CSMD3: variants seen among roughly 807,000 people sequenced by gnomAD.
CSMD3 encodes CUB and sushi domain-containing protein 3.
CSMD3 carries 177 observed loss-of-function variants against 435.2 expected under a neutral mutation model. That is an observed-to-expected ratio of 0.41 (90% CI 0.36 to 0.46). The LOEUF (loss-of-function observed/expected upper bound fraction) is 0.46, where lower values mean the gene tolerates loss of function less well. CSMD3 is among the 20% of genes least tolerant of loss of function. CSMD3 has a pLI of 0.34. For synonymous variants in CSMD3, 1,656 were observed against 1,520.5 expected, an observed-to-expected ratio of 1.09 and a Z score of -2.07; for missense variants, 4,265 against 4,504.6, an observed-to-expected ratio of 0.95 and a Z score of 1.52.
rs111330758 is a variant in CSMD3, at chr8:112,658,887, G to T, written c.2817-2546C>A. 4.7e-3 allele frequency among the ~76,000 whole-genome samples: 716 copies of T among 152,184 alleles called. 2 individuals carry two copies. Among genetic ancestry groups the T allele is most frequent in the Non-Finnish European group, 7.1e-3 (483 of 67,994 alleles). On this transcript the variant is annotated intron_variant, in intron 17 of 70. Transcript: ENST00000297405. ...CGAGAATCACTTGAACCTGGGAGGCGGAGGTTGCAGTGGGCCGAGATCGCA... is the reference window on the plus strand; with the variant it reads ...CGAGAATCACTTGAACCTGGGAGGCTGAGGTTGCAGTGGGCCGAGATCGCA...
chr8:112,960,760 G>A (rs1246324597), intron 7 of CSMD3, among the ~76,000 whole-genome samples: 1 of 151,656 alleles, frequency 6.6e-6, no homozygotes, highest in Non-Finnish European at 1.5e-5. Flanking sequence ...AGGGATACAC[G>A]AGAGTTAACA....
chr8:112,274,204 GA>G lies in CSMD3; in HGVS notation c.9508+6969del, dbSNP rs879680718. On this transcript the variant is annotated intron_variant, in intron 59 of 70. Transcript: ENST00000297405. ...TACCTTCCATCTGAAAGAACCAAAA[GA>G]AAAAAAAAAAGGAAAGAGTATATTT... Among the ~76,000 whole-genome samples, 485 of 123,362 alleles carry G rather than the reference GA, an allele frequency of 3.9e-3. 5 individuals carry two copies. Among genetic ancestry groups the G allele is most frequent in the African/African-American group, 0.013 (427 of 33,198 alleles). 80.9% of individuals were successfully genotyped at this position (123,362 alleles called of 152,430 possible).
chr8:112,608,365 C>T (rs1042644609), intron 22 of CSMD3, among the ~76,000 whole-genome samples: 5 of 152,012 alleles, frequency 3.3e-5, no homozygotes, highest in Admixed American at 6.6e-5. Flanking sequence ...AATACCTATA[C>T]GTTCCAAAGC....
At chr8:113,251,927 A>G (rs2093338393) in intron 3 of CSMD3, among the ~76,000 whole-genome samples, 1 of 152,124 alleles carries the variant, frequency 6.6e-6, no homozygotes, top group African/African-American at 2.4e-5. Flanking sequence ...ACATAAATTA[A>G]TTTGGGTACA....
At chr8:112,781,017 C>A (rs1241581723) in intron 13 of CSMD3, among the ~76,000 whole-genome samples, 1 of 152,058 alleles carries the variant, frequency 6.6e-6, no homozygotes, top group African/African-American at 2.4e-5. Flanking sequence ...TCACCCACCC[C>A]TAACTCCAGG....
intron 38 of CSMD3, among the ~76,000 whole-genome samples, chr8:112,371,448 C>G (rs1828381580): frequency 6.6e-6 from 1 of 152,040 alleles, no homozygotes; most frequent in African/African-American, 2.4e-5. Context: ...TGGCACCTAG[C>G]ACTGTGGCAT....
chr8:113,372,634 A>G (rs1479413620), intron 1 of CSMD3, among the ~76,000 whole-genome samples: 1 of 152,188 alleles, frequency 6.6e-6, no homozygotes, highest in Non-Finnish European at 1.5e-5. Flanking sequence ...TTCCAAAAGC[A>G]TAGAAAAGAC....
intron 6 of CSMD3, among the ~76,000 whole-genome samples, chr8:113,005,539 T>C (rs2131094336): frequency 1.3e-5 from 2 of 152,110 alleles, no homozygotes; most frequent in East Asian, 1.9e-4. Context: ...CATCTGTAAG[T>C]AATTTTTGAG....
intron 27 of CSMD3, among the ~76,000 whole-genome samples, chr8:112,534,238 G>A (rs1825826768): frequency 6.6e-6 from 1 of 151,956 alleles, no homozygotes; most frequent in African/African-American, 2.4e-5. Context: ...TCCAGGAGCT[G>A]GTTTTTTGAA....
chr8:112,913,292 T>C (rs1432573599), intron 10 of CSMD3, among the ~76,000 whole-genome samples: 2 of 151,838 alleles, frequency 1.3e-5, no homozygotes, highest in African/African-American at 2.4e-5. Flanking sequence ...ATAAGGAGCA[T>C]GCAAACTAGA....
At chr8:113,375,204 G>C (rs1205673070) in intron 1 of CSMD3, among the ~76,000 whole-genome samples, 2 of 152,066 alleles carry the variant, frequency 1.3e-5, no homozygotes, top group South Asian at 2.1e-4. Context: ...TTCTGCCTAA[G>C]GAAATCCTCA....
chr8:112,314,832 G>A (rs1365596199), intron 47 of CSMD3, among the ~76,000 whole-genome samples: 29 of 151,822 alleles, frequency 1.9e-4, no homozygotes, highest in Admixed American at 1.9e-3. Context: ...TTTATTACAT[G>A]GAAGATGCAC....
rs2131223454 is a variant in CSMD3, at chr8:112,556,746, C to T, written c.4234+17G>A. 6.3e-7 allele frequency: 1 copy of T among 1,584,970 alleles called. No homozygotes were observed. Among genetic ancestry groups the T allele is most frequent in the Non-Finnish European group, 8.7e-7 (1 of 1,154,208 alleles). ...TTTCACAGAAATATTCAATGAAAAT[C>T]TATGACAGTATCCTACCAATACAGG... is the stretch of plus-strand genomic sequence containing the variant. On this transcript the variant is annotated intron_variant, in intron 25 of 70. Coordinates refer to ENST00000297405, the MANE Select transcript of CSMD3 (RefSeq NM_198123.2).
At chr8:112,356,825 T>C (rs1826665897) in intron 38 of CSMD3, among the ~76,000 whole-genome samples, 1 of 152,170 alleles carries the variant, frequency 6.6e-6, no homozygotes, top group East Asian at 1.9e-4. Flanking sequence ...CTTCCTTGCC[T>C]TCCACCATGA....
intron 38 of CSMD3, among the ~76,000 whole-genome samples, chr8:112,359,611 G>T (rs1826982724): frequency 6.6e-6 from 1 of 152,074 alleles, no homozygotes; most frequent in Non-Finnish European, 1.5e-5. Context: ...CTTAAATCAT[G>T]CCAAACTGGA....
At chr8:112,588,473 A>AC (rs1304546297) in intron 22 of CSMD3, among the ~76,000 whole-genome samples, 1 of 152,042 alleles carries the variant, frequency 6.6e-6, no homozygotes, top group East Asian at 1.9e-4. Context: ...AGAAAAAAAA[A>AC]AATCAAAGTT....
chr8:113,190,134 C>A (rs1037011640), intron 3 of CSMD3, among the ~76,000 whole-genome samples: 2 of 151,462 alleles, frequency 1.3e-5, no homozygotes, highest in African/African-American at 4.8e-5. Context: ...TTTGCACCAA[C>A]CAAATAATAC....
At chr8:112,617,897 C>T (rs1289230443) in intron 22 of CSMD3, among the ~76,000 whole-genome samples, 1 of 152,088 alleles carries the variant, frequency 6.6e-6, no homozygotes, top group Non-Finnish European at 1.5e-5. Flanking sequence ...AAAACCTTAA[C>T]ATTTTCTTTC....
At chr8:112,546,866 G>A (rs1451799095) in intron 27 of CSMD3, among the ~76,000 whole-genome samples, 2 of 152,250 alleles carry the variant, frequency 1.3e-5, no homozygotes, top group Admixed American at 6.5e-5. Context: ...AAAGTCATGA[G>A]GCTGCCGACA....
Sources: gnomAD v4.1 joint callset for allele counts (sites outside exome capture counted in the v4.1 genomes callset) on GRCh38, gnomAD v4.1.1 for gene constraint, MANE v1.5 for transcripts, NCBI Gene and HGNC (gene_info 2026-07-23, HGNC 2026-07-21) for gene names.